Variants in PLXDC2 observed in about 807,000 individuals in gnomAD.
The protein encoded by PLXDC2 is plexin domain containing 2.
In PLXDC2, 40 loss-of-function variants were observed where a neutral mutation model predicts 68.9. The observed-to-expected ratio is 0.58, with a 90% CI of 0.45 to 0.76. The LOEUF (loss-of-function observed/expected upper bound fraction) is 0.76. Ranked by LOEUF, PLXDC2 falls within the 30% of genes least tolerant of loss-of-function variation. The probability of loss-of-function intolerance (pLI) is 0.00; values close to 1 mark genes in which losing one functional copy is unlikely to be tolerated. For missense variants in PLXDC2, 644 were observed against 661.9 expected, an observed-to-expected ratio of 0.97 and a Z score of 0.30; for synonymous variants, 243 against 234.2, an observed-to-expected ratio of 1.04 and a Z score of -0.34.
chr10:20,079,982 G>C (rs1836523140), intron 4 of PLXDC2, among the ~76,000 whole-genome samples: 1 of 151,922 alleles, frequency 6.6e-6, no homozygotes, highest in South Asian at 2.1e-4. Context: ...AAAAAAATGG[G>C]AAAGGAAATA....
At chr10:20,018,244 C>T (rs1835246738) in intron 2 of PLXDC2, among the ~76,000 whole-genome samples, 1 of 152,178 alleles carries the variant, frequency 6.6e-6, no homozygotes, top group African/African-American at 2.4e-5. Flanking sequence ...CTCCAGAAAA[C>T]ATTTTATTCC....
intron 9 of PLXDC2, among the ~76,000 whole-genome samples, chr10:20,191,565 C>A (rs1267836192): frequency 6.6e-6 from 1 of 151,144 alleles, no homozygotes; most frequent in Non-Finnish European, 1.5e-5. Context: ...TTTGTCACTG[C>A]CCAGATTTCC....
At chr10:19,881,711 G>A (rs1837730873) in intron 1 of PLXDC2, among the ~76,000 whole-genome samples, 2 of 152,158 alleles carry the variant, frequency 1.3e-5, no homozygotes, top group South Asian at 2.1e-4. Context: ...AATAATGACA[G>A]TACTAAATAA....
intron 1 of PLXDC2, among the ~76,000 whole-genome samples, chr10:19,993,741 T>C (rs1290341863): frequency 6.6e-6 from 1 of 152,184 alleles, no homozygotes; most frequent in African/African-American, 2.4e-5. Context: ...TTGGATTGAG[T>C]GCCTGTTTAA....
chr10:20,020,352 T>C (rs1341037194), intron 2 of PLXDC2, among the ~76,000 whole-genome samples: 5 of 151,952 alleles, frequency 3.3e-5, no homozygotes. Flanking sequence ...TAGCCGACAA[T>C]ACCAGACTCC....
intron 1 of PLXDC2, among the ~76,000 whole-genome samples, chr10:19,953,493 A>G (rs558643939): frequency 6.6e-6 from 1 of 152,324 alleles, no homozygotes; most frequent in South Asian, 2.1e-4. Flanking sequence ...CCGGGGTAAC[A>G]CCTTTTTGTT....
chr10:19,922,789 A>C lies in PLXDC2; in HGVS notation c.113-78986A>C, dbSNP rs1368465682. Among the ~76,000 whole-genome samples, 3 of 152,212 alleles carry C rather than the reference A, an allele frequency of 2.0e-5. No individual in the cohort carries two copies. The East Asian group carries it at 5.8e-4, about 29-fold the overall frequency. ...TTATAAAGTTGGTCTCCAGTGCCAG[A>C]AATTCCCATTTTGGACTGGCTTCAA... On this transcript the variant is annotated intron_variant, in intron 1 of 13. Coordinates refer to ENST00000377252, the MANE Select transcript of PLXDC2 (RefSeq NM_032812.9).
chr10:20,146,518 T>TCCTTCCTTCCTCCCTTCCTC (rs1217081598), intron 5 of PLXDC2, among the ~76,000 whole-genome samples: 7 of 115,624 alleles, frequency 6.1e-5, no homozygotes, highest in Non-Finnish European at 1.1e-4. Flanking sequence ...CTTCCTTCCT[T>TCCTTCCTTCCTCCCTTCCTC]CCTCCCTCCC....
intron 4 of PLXDC2, among the ~76,000 whole-genome samples, chr10:20,078,203 C>T (rs1007267449): frequency 6.6e-6 from 1 of 151,948 alleles, no homozygotes; most frequent in African/African-American, 2.4e-5. Flanking sequence ...CACGGTGAGA[C>T]TTTATCTCTT....
intron 1 of PLXDC2, among the ~76,000 whole-genome samples, chr10:19,933,354 A>G (rs990866020): frequency 2.6e-5 from 4 of 152,148 alleles, no homozygotes; most frequent in Admixed American, 1.3e-4. Context: ...GTTAAAACAC[A>G]TATACACATG....
chr10:19,817,222 T>C (rs1337661468), intron 1 of PLXDC2, 31 bp downstream of exon 1: 1 of 1,527,684 alleles, frequency 6.5e-7, no homozygotes, highest in Non-Finnish European at 8.9e-7. Flanking sequence ...CTTGCTGATT[T>C]TGTGCGCAGC....
At chr10:20,148,679 G>T (rs1057462707) in intron 6 of PLXDC2, among the ~76,000 whole-genome samples, 3 of 152,126 alleles carry the variant, frequency 2.0e-5, no homozygotes, top group African/African-American at 7.2e-5. Context: ...CTCTAATTAT[G>T]AGAGAAACCT....
chr10:19,987,712 C>T (rs919025901), intron 1 of PLXDC2, among the ~76,000 whole-genome samples: 6 of 151,826 alleles, frequency 4.0e-5, no homozygotes, highest in Non-Finnish European at 8.8e-5. Context: ...TAGGCGCCCG[C>T]CACCACCCCC....
At chr10:19,973,872 G>A (rs1048496576) in intron 1 of PLXDC2, among the ~76,000 whole-genome samples, 3 of 152,222 alleles carry the variant, frequency 2.0e-5, no homozygotes, top group African/African-American at 4.8e-5. Flanking sequence ...ATGAATGGAA[G>A]TGTATAAACT....
chr10:20,066,418 G>A (rs1836213356), intron 3 of PLXDC2, among the ~76,000 whole-genome samples: 1 of 152,168 alleles, frequency 6.6e-6, no homozygotes, highest in African/African-American at 2.4e-5. Flanking sequence ...AAGTGAGAAT[G>A]CATAAGGTAA....
intron 13 of PLXDC2, among the ~76,000 whole-genome samples, chr10:20,271,134 C>CACAT (rs1835935076): frequency 6.8e-6 from 1 of 146,212 alleles, no homozygotes; most frequent in Admixed American, 6.8e-5. Context: ...AAAAAACAGA[C>CACAT]ACACACACAC....
intron 2 of PLXDC2, among the ~76,000 whole-genome samples, chr10:20,018,250 A>G (rs946723688): frequency 3.3e-5 from 5 of 152,188 alleles, no homozygotes; most frequent in African/African-American, 1.2e-4. Context: ...AAAACATTTT[A>G]TTCCAGATTC....
chr10:20,207,520 A>G (rs921592400), intron 9 of PLXDC2, among the ~76,000 whole-genome samples: 1 of 152,168 alleles, frequency 6.6e-6, no homozygotes, highest in African/African-American at 2.4e-5. Flanking sequence ...TGTTCCATTG[A>G]ATTACTTATG....
chr10:19,981,174 T>C (rs1834544223), intron 1 of PLXDC2, among the ~76,000 whole-genome samples: 1 of 152,234 alleles, frequency 6.6e-6, no homozygotes, highest in Non-Finnish European at 1.5e-5. Context: ...CTTTGATAGT[T>C]GAATCTTCAA....
Sources: gnomAD v4.1 joint callset for allele counts (sites outside exome capture counted in the v4.1 genomes callset) on GRCh38, gnomAD v4.1.1 for gene constraint, MANE v1.5 for transcripts, NCBI Gene and HGNC (gene_info 2026-07-23, HGNC 2026-07-21) for gene names.